MMP13: variants seen among roughly 807,000 people sequenced by gnomAD.
MMP13 encodes matrix metallopeptidase 13.
In MMP13, 45 loss-of-function variants were observed where a neutral mutation model predicts 52.1. That is an observed-to-expected ratio of 0.86 (90% confidence interval 0.68 to 1.11). The LOEUF (loss-of-function observed/expected upper bound fraction) is 1.11. MMP13 is among the 50% of genes least tolerant of loss of function. MMP13 has a pLI of 0.00. For missense variants in MMP13, 576 were observed against 583.8 expected (o/e 0.99, Z 0.14); for synonymous variants, 200 against 204.4 (o/e 0.98, Z 0.18).
Position 102,947,557 on chromosome 11 carries a change from A to G in MMP13, c.1211+334T>C, listed in dbSNP as rs1185183235. On this transcript the variant is annotated intron_variant, in intron 8 of 9. Coordinates refer to ENST00000260302, the MANE Select transcript of MMP13 (RefSeq NM_002427.4). ...CACTACACTCAAGCCTGGATAACAG[A>G]GCAAGACTCAGTCTCAAAAAAAAAG... is the stretch of plus-strand genomic sequence containing the variant. Among the ~76,000 whole-genome samples the G allele has an allele frequency of 2.0e-5, 3 of 151,784 alleles. No homozygotes were observed. The South Asian group carries it at 6.3e-4, about 32-fold the overall frequency.
At position 102,952,091 on chromosome 11, in the gene MMP13, C is replaced by T. The variant is rs1555017403; in HGVS notation, c.720G>A (p.Met240Ile). 6.2e-7 allele frequency: 1 copy of T among 1,613,206 alleles called. No homozygotes were observed. Among genetic ancestry groups the T allele is most frequent in the East Asian group, 2.2e-5 (1 of 44,870 alleles). Residue 240 changes from methionine (M) to isoleucine (I), a missense_variant, in exon 5 of 10, where the codon ATG (methionine) becomes ATA (isoleucine). By Grantham distance (10) the Met-to-Ile change is conservative. Coordinates refer to ENST00000260302, the MANE Select transcript of MMP13 (RefSeq NM_002427.4). The surrounding 1 kb of genome is among the most constrained non-coding windows in gnomAD (Gnocchi z 4.3). The stretch of plus-strand genomic sequence containing the variant: ...TGCCGGTGTAGGTGTAGATAGGAAA[C>T]ATGAGTGCTCCAGGGTCCTTGGAGT... The part of the protein sequence containing the change: ...LDHSKDPGAL[M>I]FPIYTYTGKS...
In MMP13 at chr11:102,952,431, C is replaced by T. The variant is rs1860627965; in HGVS notation, c.638-258G>A. ...AATTAGAATGTCAACAGATTACTCTCATGTAATTAGTAATTAATAAGGATT... is the reference window on the plus strand; with the variant it reads ...AATTAGAATGTCAACAGATTACTCTTATGTAATTAGTAATTAATAAGGATT... On this transcript the variant is annotated intron_variant, in intron 4 of 9. Coordinates refer to ENST00000260302, the MANE Select transcript of MMP13 (RefSeq NM_002427.4). This position sits in a 1 kb window ranked among gnomAD's most constrained non-coding sequence, Gnocchi z 4.3. 6.6e-6 allele frequency among the ~76,000 whole-genome samples: 1 copy of T among 152,168 alleles called. No individual in the cohort carries two copies. Among genetic ancestry groups the T allele is most frequent in the African/African-American group, 2.4e-5 (1 of 41,452 alleles).
chr11:102,943,392 ATAAT>A lies in MMP13; in HGVS notation c.*870_*873del, dbSNP rs1860440950. 1 of 152,244 alleles carries A rather than the reference ATAAT, an allele frequency of 6.6e-6. No individual in the cohort carries two copies. The highest frequency in any genetic ancestry group is 6.5e-5 in the Admixed American group (1 of 15,280). 9.4% of individuals were successfully genotyped at this position (152,244 alleles called of 1,614,324 possible). On this transcript the variant is annotated 3_prime_UTR_variant, in exon 10 of 10. Transcript: ENST00000260302. ...TATCCAAGACAAACTGGACAATTAA[ATAAT>A]TAGCTAGGTAAAATAGGGTTAAAAT...
intron 3 of MMP13, 53 bp from the exon 4 acceptor site, chr11:102,954,334 A>G: frequency 6.2e-7 from 1 of 1,612,810 alleles, no homozygotes; most frequent in Admixed American, 1.7e-5. Flanking sequence ...AGTACTTAGC[A>G]CAGGTGTTTG....
In MMP13 at chr11:102,950,244, CA is replaced by C; in HGVS notation, c.800-18del. 7 of 1,578,338 alleles carry C rather than the reference CA, an allele frequency of 4.4e-6. No individual in the cohort carries two copies. Among genetic ancestry groups the C allele is most frequent in the Non-Finnish European group, 6.1e-6 (7 of 1,147,652 alleles). The stretch of plus-strand genomic sequence containing the variant: ...CTCCTGGACCTGTAGTCGTGAAAGG[CA>C]AGAGAGAAGTTATGAGTGTGACATT... On this transcript the variant is annotated intron_variant, in intron 5 of 9. Coordinates refer to ENST00000260302, the MANE Select transcript of MMP13 (RefSeq NM_002427.4).
chr11:102,944,451 G>T, intron 9 of MMP13, 85 bp from the exon 10 acceptor site: 2 of 944,944 alleles, frequency 2.1e-6, no homozygotes, highest in Non-Finnish European at 3.4e-6. Flanking sequence ...CAATCTCTTA[G>T]ATCCCATTTG....
rs1476594438 is a variant in MMP13 at position 102,955,043 on chromosome 11, T to C, written c.362+209A>G. On this transcript the variant is annotated intron_variant, in intron 2 of 9. Transcript: ENST00000260302. The surrounding 1 kb of genome is among the most constrained non-coding windows in gnomAD (Gnocchi z 4.9). ...TACTTTTATTTCTCTTTTGATTTCA[T>C]CTCTAAAAGAAATACTTTGAGATGC... Among the ~76,000 whole-genome samples, 1 of 152,176 alleles carries C rather than the reference T, an allele frequency of 6.6e-6. No homozygotes were observed. The highest frequency in any genetic ancestry group is 2.4e-5 in the African/African-American group (1 of 41,436).
rs636229 is a variant in MMP13 at position 102,952,903 on chromosome 11, A to T, written c.638-730T>A. On this transcript the variant is annotated intron_variant, in intron 4 of 9. Coordinates refer to ENST00000260302, the MANE Select transcript of MMP13 (RefSeq NM_002427.4). The surrounding 1 kb of genome is among the most constrained non-coding windows in gnomAD (Gnocchi z 4.3). The stretch of plus-strand genomic sequence containing the variant: ...ATAAAAAACTAAAAGAAAAATAAGA[A>T]GTGCAAGGCAATAGGATTGTTGTTA... Among the ~76,000 whole-genome samples the T allele has an allele frequency of 3.3e-5, 5 of 152,174 alleles. No homozygotes were observed. Among genetic ancestry groups the T allele is most frequent in the Admixed American group, 3.3e-4 (5 of 15,262 alleles).
In MMP13 at chr11:102,955,332, T is replaced by G; in HGVS notation, c.282A>C (p.Pro94=). ...DDNTLDVMKK[P]RCGVPDVGEY... Reference sequence around the variant, plus strand: ...CACCCACATCAGGAACCCCGCATCTTGGCTTTTTCATGACATCTAAGGTGT... The same window carrying G: ...CACCCACATCAGGAACCCCGCATCTGGGCTTTTTCATGACATCTAAGGTGT... The change falls in exon 2 of 10, where the codon CCA becomes CCC. Residue 94 remains proline, a synonymous_variant. Transcript: ENST00000260302. This position sits in a 1 kb window ranked among gnomAD's most constrained non-coding sequence, Gnocchi z 4.9. 1 of 1,614,040 alleles carries G rather than the reference T, an allele frequency of 6.2e-7. No homozygotes were observed. Among genetic ancestry groups the G allele is most frequent in the Non-Finnish European group, 8.5e-7 (1 of 1,179,934 alleles).
chr11:102,954,066 T>G, intron 4 of MMP13, 90 bp downstream of exon 4: 1 of 1,415,342 alleles, frequency 7.1e-7, no homozygotes. Context: ...ATACCAAATA[T>G]ATTTAACTTT....
rs1445186819 is a variant in MMP13, at chr11:102,955,383, T to C, written c.231A>G (p.Leu77=). ...RLREMQSFFG[L]EVTGKLDDNT... is the part of the protein sequence containing the mutation. ...TATCGTCAAGTTTGCCAGTCACCTC[T>C]AAGCCGAAGAAAGACTGCATTTCTC... is the stretch of plus-strand genomic sequence containing the variant. The change falls in exon 2 of 10, where the codon TTA becomes TTG. Residue 77 remains leucine (L), a synonymous_variant. Coordinates refer to ENST00000260302, the MANE Select transcript of MMP13 (RefSeq NM_002427.4). The surrounding 1 kb of genome is among the most constrained non-coding windows in gnomAD (Gnocchi z 4.9). The C allele has an allele frequency of 6.2e-7, 1 of 1,614,076 alleles. No individual in the cohort carries two copies. Among genetic ancestry groups the C allele is most frequent in the South Asian group, 1.1e-5 (1 of 91,074 alleles).
At chr11:102,953,753 C>T (rs1860649364) in intron 4 of MMP13, among the ~76,000 whole-genome samples, 2 of 152,170 alleles carry the variant, frequency 1.3e-5, no homozygotes, top group Non-Finnish European at 2.9e-5. Flanking sequence ...AAGCAAAAAA[C>T]TATTTCAATT....
intron 8 of MMP13, among the ~76,000 whole-genome samples, chr11:102,946,474 AG>A (rs1418273883): frequency 6.6e-6 from 1 of 152,256 alleles, no homozygotes. Context: ...CTGCAACGCC[AG>A]GCAATAGAAG....
In MMP13 at chr11:102,943,365, T is replaced by C. The variant is rs1345101936; in HGVS notation, c.*901A>G. The C allele has an allele frequency of 6.6e-6, 1 of 152,194 alleles. No individual in the cohort carries two copies. The highest frequency in any genetic ancestry group is 1.5e-5 in the Non-Finnish European group (1 of 68,040). The allele number at this position is 152,194 out of a possible 1,614,324, so 9.4% of individuals were successfully genotyped here. ...ATACAAGTCTTTAGAAAATAGCCTA[T>C]ATATCCAAGACAAACTGGACAATTA... On this transcript the variant is annotated 3_prime_UTR_variant, in exon 10 of 10. Transcript: ENST00000260302.
At position 102,952,692 on chromosome 11, in the gene MMP13, A is replaced by T. The variant is rs376628550; in HGVS notation, c.638-519T>A. 7.9e-5 allele frequency among the ~76,000 whole-genome samples: 12 copies of T among 152,128 alleles called. No homozygotes were observed. In the South Asian group the frequency reaches 2.3e-3, roughly 29 times the overall value. On this transcript the variant is annotated intron_variant, in intron 4 of 9. Transcript: ENST00000260302. This position sits in a 1 kb window ranked among gnomAD's most constrained non-coding sequence, Gnocchi z 4.3. ...TACTCTTGGGAGCAAATTCCAACCA[A>T]ATGATTTTTTCCAGAATGTCTCTAG...
rs757202468 is a variant in MMP13, at chr11:102,955,243, A to G, written c.362+9T>C. The G allele has an allele frequency of 1.2e-6, 2 of 1,613,510 alleles. No homozygotes were observed. The highest frequency in any genetic ancestry group is 1.1e-5 in the South Asian group (1 of 91,084). On this transcript the variant is annotated intron_variant, in intron 2 of 9. Transcript: ENST00000260302. The surrounding 1 kb of genome is among the most constrained non-coding windows in gnomAD (Gnocchi z 4.9). Reference sequence around the variant, plus strand: ...AACAAATATGAAAGAAAGATAGCCTATGATTTACCTGTAGGTTAAATTCAT... The same window carrying G: ...AACAAATATGAAAGAAAGATAGCCTGTGATTTACCTGTAGGTTAAATTCAT...
At position 102,952,217 on chromosome 11, in the gene MMP13, T is replaced by G; in HGVS notation, c.638-44A>C. 1.9e-6 allele frequency: 3 copies of G among 1,589,316 alleles called. No individual in the cohort carries two copies. Among genetic ancestry groups the G allele is most frequent in the Non-Finnish European group, 2.6e-6 (3 of 1,158,474 alleles). ...ACAATGAGAAAAAAAGGAATTCCAG[T>G]GACCAGGTAATGAAAGGAATATCAT... On this transcript the variant is annotated intron_variant, in intron 4 of 9. Transcript: ENST00000260302. The surrounding 1 kb of genome is among the most constrained non-coding windows in gnomAD (Gnocchi z 4.3).
Position 102,944,359 on chromosome 11 carries a change from G to A in MMP13, c.1323C>T (p.Ile441=). The A allele has an allele frequency of 6.2e-7, 1 of 1,603,342 alleles. No homozygotes were observed. ...ACTGTATGGGTCCGTTGAAAAAATA[G>A]ATATAACCTATAAGAAAAAGCATAA... ...VDAVYEKNGY[I]YFFNGPIQFE... is the part of the protein sequence containing the mutation. The change falls in exon 10 of 10, where the codon ATC becomes ATT. Residue 441 remains isoleucine (I), a synonymous_variant. Coordinates refer to ENST00000260302, the MANE Select transcript of MMP13 (RefSeq NM_002427.4).
intron 8 of MMP13, among the ~76,000 whole-genome samples, chr11:102,947,667 T>TTTTGTG (rs1381962345): frequency 6.9e-5 from 10 of 144,810 alleles, no homozygotes; most frequent in Non-Finnish European, 1.2e-4. Context: ...TGTTTGAGTA[T>TTTTGTG]TGTGTGTGTG....
Sources: allele counts gnomAD v4.1 joint callset (sites outside exome capture counted in the v4.1 genomes callset), GRCh38; gene constraint gnomAD v4.1.1; non-coding constraint Gnocchi (gnomAD v3.1); transcripts MANE v1.5; gene names NCBI Gene and HGNC (gene_info 2026-07-23, HGNC 2026-07-21).